KIAA1328: variants seen among roughly 807,000 people sequenced by gnomAD.
KIAA1328 encodes KIAA1328.
Under a neutral mutation model 68.1 loss-of-function variants are expected in KIAA1328, and 52 were observed. That is an observed-to-expected ratio of 0.76 (90% CI 0.61 to 0.96). The LOEUF (loss-of-function observed/expected upper bound fraction) is 0.96, where lower values mean the gene tolerates loss of function less well. Among genes scored for constraint, KIAA1328 ranks in the 40% least tolerant of loss-of-function variants. KIAA1328 has a pLI of 0.00. For synonymous variants in KIAA1328, 232 were observed against 239.4 expected (o/e 0.97, Z 0.28); for missense variants, 641 against 677.6 (o/e 0.95, Z 0.60).
intron 8 of KIAA1328, among the ~76,000 whole-genome samples, chr18:37,172,211 T>C (rs1439245645): frequency 6.6e-6 from 1 of 152,212 alleles, no homozygotes; most frequent in Non-Finnish European, 1.5e-5. Context: ...ATAACAGTTT[T>C]CAGAGAACCA....
At chr18:37,102,506 G>GAA (rs1343346242) in intron 7 of KIAA1328, among the ~76,000 whole-genome samples, 2 of 151,914 alleles carry the variant, frequency 1.3e-5, no homozygotes, top group African/African-American at 4.8e-5. Context: ...AATAGACAGA[G>GAA]AAAAAAACTC....
chr18:36,882,610 A>G (rs2048360179), intron 4 of KIAA1328, among the ~76,000 whole-genome samples: 2 of 152,336 alleles, frequency 1.3e-5, no homozygotes, highest in African/African-American at 4.8e-5. Flanking sequence ...GCTAAAGGAT[A>G]GTCAAATCAT....
chr18:37,036,489 G>A (rs1040573127), intron 6 of KIAA1328, among the ~76,000 whole-genome samples: 3 of 152,172 alleles, frequency 2.0e-5, no homozygotes, highest in Non-Finnish European at 4.4e-5. Flanking sequence ...CAACTCATTT[G>A]GACAGATGGT....
At chr18:37,083,295 G>C (rs1300698318) in intron 7 of KIAA1328, among the ~76,000 whole-genome samples, 4 of 152,110 alleles carry the variant, frequency 2.6e-5, no homozygotes. Flanking sequence ...GCTCCTGAAG[G>C]GAATTAATCC....
chr18:36,976,906 T>C (rs1410345730), intron 6 of KIAA1328, among the ~76,000 whole-genome samples: 1 of 152,202 alleles, frequency 6.6e-6, no homozygotes, highest in Non-Finnish European at 1.5e-5. Flanking sequence ...CCAGGTCATA[T>C]CAATGATTCA....
At chr18:37,228,314 C>G (rs940033130), downstream of KIAA1328, among the ~76,000 whole-genome samples, 2 of 152,096 alleles carry the variant, frequency 1.3e-5, no homozygotes, top group Non-Finnish European at 2.9e-5. Flanking sequence ...GGAATTGACT[C>G]CAATTTTGAA....
chr18:37,159,493 C>T (rs772339365), intron 7 of KIAA1328, among the ~76,000 whole-genome samples: 3 of 151,392 alleles, frequency 2.0e-5, no homozygotes, highest in Non-Finnish European at 2.9e-5. Context: ...TGAACAAACA[C>T]GAAGAGGGAA....
At chr18:37,134,081 T>A (rs957382706) in intron 7 of KIAA1328, among the ~76,000 whole-genome samples, 4 of 151,914 alleles carry the variant, frequency 2.6e-5, no homozygotes, top group African/African-American at 4.8e-5. Flanking sequence ...TGGCATGATC[T>A]CGGCTCTCTG....
intron 7 of KIAA1328, among the ~76,000 whole-genome samples, chr18:37,154,400 A>G (rs1253489889): frequency 6.6e-6 from 1 of 152,208 alleles, no homozygotes; most frequent in Non-Finnish European, 1.5e-5. Context: ...CAGAGAGAGG[A>G]GTGCCAGCAT....
chr18:37,110,278 A>G (rs994814105), intron 7 of KIAA1328, among the ~76,000 whole-genome samples: 1 of 152,200 alleles, frequency 6.6e-6, no homozygotes, highest in Admixed American at 6.5e-5. Context: ...CACTTATACT[A>G]CTGAAATATT....
intron 6 of KIAA1328, among the ~76,000 whole-genome samples, chr18:37,012,158 A>G (rs1048571677): frequency 5.3e-5 from 8 of 152,174 alleles, no homozygotes; most frequent in Non-Finnish European, 8.8e-5. Context: ...ACAATATAGA[A>G]CTAATATACT....
At chr18:37,134,214 T>C (rs944201817) in intron 7 of KIAA1328, among the ~76,000 whole-genome samples, 3 of 152,078 alleles carry the variant, frequency 2.0e-5, no homozygotes, top group African/African-American at 4.8e-5. Context: ...GGTTTCACCA[T>C]GTTGTCCAGG....
At chr18:37,109,651 A>G (rs2057873353) in intron 7 of KIAA1328, among the ~76,000 whole-genome samples, 1 of 152,220 alleles carries the variant, frequency 6.6e-6, no homozygotes, top group South Asian at 2.1e-4. Context: ...TGTTGCTGCT[A>G]CCACTTATTA....
intron 9 of KIAA1328, among the ~76,000 whole-genome samples, chr18:37,209,823 G>A (rs1225410220): frequency 1.3e-5 from 2 of 152,208 alleles, no homozygotes; most frequent in Non-Finnish European, 2.9e-5. Flanking sequence ...AAAGATATCA[G>A]GTAGCAGTTG....
intron 5 of KIAA1328, among the ~76,000 whole-genome samples, chr18:36,928,157 C>T (rs1358481735): frequency 1.3e-5 from 2 of 152,070 alleles, no homozygotes; most frequent in African/African-American, 2.4e-5. Flanking sequence ...GTTTTAAGAG[C>T]ATAGACTGGG....
chr18:37,003,234 A>C (rs1361172764), intron 6 of KIAA1328, among the ~76,000 whole-genome samples: 1 of 152,178 alleles, frequency 6.6e-6, no homozygotes, highest in East Asian at 1.9e-4. Context: ...AAAATAAAAA[A>C]GCTCTAAAAG....
At chr18:37,064,368 C>G (rs2056266336) in intron 6 of KIAA1328, among the ~76,000 whole-genome samples, 1 of 152,166 alleles carries the variant, frequency 6.6e-6, no homozygotes, top group African/African-American at 2.4e-5. Context: ...TTTTACCCAT[C>G]AGTCCATCAT....
chr18:36,878,105 T>C (rs1347564425), intron 4 of KIAA1328, among the ~76,000 whole-genome samples: 2 of 152,208 alleles, frequency 1.3e-5, no homozygotes, highest in African/African-American at 4.8e-5. Flanking sequence ...ATAGTGTTGA[T>C]GGTCTTCACA....
At chr18:36,885,775 T>C (rs1338560763) in intron 5 of KIAA1328, 103 bp downstream of exon 5, 7 of 699,252 alleles carry the variant, frequency 1.0e-5, no homozygotes, top group Non-Finnish European at 1.6e-5. Flanking sequence ...TGCAGTGCAA[T>C]GGTGCGATTT....
Sources: allele counts gnomAD v4.1 joint callset (sites outside exome capture counted in the v4.1 genomes callset), GRCh38; gene constraint gnomAD v4.1.1; transcripts MANE v1.5; gene names NCBI Gene and HGNC (gene_info 2026-07-23, HGNC 2026-07-21).